MSANTD2: variants seen among roughly 807,000 people sequenced by gnomAD.
The protein encoded by MSANTD2 is myb/SANT-like DNA-binding domain-containing protein 2.
MSANTD2 carries 19 observed loss-of-function variants against 52.6 expected under a neutral mutation model. That is an observed-to-expected ratio of 0.36 (90% confidence interval 0.25 to 0.53). MSANTD2 has a LOEUF of 0.53. Among genes scored for constraint, MSANTD2 ranks in the 20% least tolerant of loss-of-function variants. The pLI, the probability that MSANTD2 is intolerant of heterozygous loss-of-function variation, is 0.91. For synonymous variants in MSANTD2, 291 were observed against 289.7 expected (o/e 1.00, Z -0.04); for missense variants, 558 against 716.3 (o/e 0.78, Z 2.52).
Position 124,772,987 on chromosome 11 carries a change from T to G in MSANTD2, c.827+7A>C. 1 of 1,548,884 alleles carries G rather than the reference T, an allele frequency of 6.5e-7. No homozygotes were observed. The highest frequency in any genetic ancestry group is 8.9e-7 in the Non-Finnish European group (1 of 1,121,126). ...ACACTTTCTGGAAAGGTGAAGCATC[T>G]ACTTACTGTGCTTCTTCAGAAGACT... On this transcript the variant is annotated splice_region_variant and intron_variant, in intron 3 of 3. Coordinates refer to ENST00000374979, the MANE Select transcript of MSANTD2 (RefSeq NM_001308027.2).
intron 1 of MSANTD2, chr11:124,776,176 C>G (rs1019917905): frequency 6.6e-6 from 1 of 152,248 alleles, no homozygotes; most frequent in African/African-American, 2.4e-5. Flanking sequence ...TTTGTAGGCA[C>G]TGCCAGACTA....
In MSANTD2 at chr11:124,767,859, C is replaced by A. The variant is rs759989882; in HGVS notation, c.997G>T (p.Ala333Ser). ...AGGGGCACCTGGGAGCTGATCTCAG[C>A]ATAATGGTAACGGATATCCTCTTTC... is the stretch of plus-strand genomic sequence containing the variant. ...RWKEDIRYHYAEISSQVPLGK... is the reference protein window; with the variant it reads ...RWKEDIRYHYSEISSQVPLGK... The change falls in exon 4 of 4, where the codon GCT (alanine) becomes TCT (serine). Residue 333 changes from alanine to serine, a missense_variant. Ala to Ser is a moderately conservative substitution (Grantham distance 99). Transcript: ENST00000374979. The surrounding 1 kb of genome is among the most constrained non-coding windows in gnomAD (Gnocchi z 6.5). 1.9e-6 allele frequency: 3 copies of A among 1,614,268 alleles called. No individual in the cohort carries two copies. The highest frequency in any genetic ancestry group is 2.5e-6 in the Non-Finnish European group (3 of 1,180,044).
intron 1 of MSANTD2, among the ~76,000 whole-genome samples, chr11:124,780,637 G>A (rs770553912): frequency 7.9e-5 from 12 of 152,068 alleles, no homozygotes; most frequent in African/African-American, 2.4e-4. Context: ...CAAGAACGTC[G>A]TTAAAAAATT....
intron 1 of MSANTD2, among the ~76,000 whole-genome samples, chr11:124,797,518 A>C (rs1490734282): frequency 6.6e-6 from 1 of 151,890 alleles, no homozygotes; most frequent in African/African-American, 2.4e-5. Flanking sequence ...AACATAAAAC[A>C]AATTAAAAAA....
rs1262426756 is a variant in MSANTD2, at chr11:124,767,137, G to C, written c.*39C>G. 4 of 1,545,268 alleles carry C rather than the reference G, an allele frequency of 2.6e-6. No individual in the cohort carries two copies. In the African/African-American group the frequency reaches 5.5e-5, roughly 21 times the overall value. ...CGGGTAATGGGAAGTGAGTAGAGAA[G>C]AAGGAGCTAAGAGCCCAAATCCTTA... is the stretch of plus-strand genomic sequence containing the variant. On this transcript the variant is annotated 3_prime_UTR_variant, in exon 4 of 4. Transcript: ENST00000374979. The surrounding 1 kb of genome is among the most constrained non-coding windows in gnomAD (Gnocchi z 6.5).
intron 3 of MSANTD2, among the ~76,000 whole-genome samples, chr11:124,771,961 T>G (rs1944540221): frequency 6.6e-6 from 1 of 152,140 alleles, no homozygotes; most frequent in African/African-American, 2.4e-5. Context: ...TTTCGGTCAG[T>G]ATATTCTCCT....
intron 1 of MSANTD2, among the ~76,000 whole-genome samples, chr11:124,780,013 A>T (rs1565458050): frequency 6.6e-6 from 1 of 152,226 alleles, no homozygotes; most frequent in Non-Finnish European, 1.5e-5. Context: ...TTACTATTGT[A>T]ACTGTTAAAA....
intron 1 of MSANTD2, among the ~76,000 whole-genome samples, chr11:124,777,211 G>A (rs1194151543): frequency 6.6e-6 from 1 of 152,202 alleles, no homozygotes; most frequent in African/African-American, 2.4e-5. Context: ...GACCGTAAAT[G>A]GAGAGTCCCA....
chr11:124,789,724 C>G (rs937249855), intron 1 of MSANTD2: 5 of 152,104 alleles, frequency 3.3e-5, no homozygotes, highest in African/African-American at 1.2e-4. Context: ...CCTTTTTCCA[C>G]AGCAGACATC....
intron 3 of MSANTD2, among the ~76,000 whole-genome samples, chr11:124,770,320 T>G (rs200040175): frequency 0.032 from 4,853 of 151,826 alleles, 214 homozygotes; most frequent in African/African-American, 0.095. Flanking sequence ...GTTTGTTTTT[T>G]TTTTTTTGGA....
At chr11:124,795,796 T>C (rs904144797) in intron 1 of MSANTD2, among the ~76,000 whole-genome samples, 1 of 152,176 alleles carries the variant, frequency 6.6e-6, no homozygotes, top group African/African-American at 2.4e-5. Flanking sequence ...TGAAAAGGCC[T>C]ACAGTAAAAG....
rs1005720249 is a variant in MSANTD2 at position 124,800,090 on chromosome 11, G to A, written c.291C>T (p.Ala97=). 13 of 1,486,418 alleles carry A rather than the reference G, an allele frequency of 8.7e-6. No homozygotes were observed. The highest frequency in any genetic ancestry group is 2.4e-4 in the Middle Eastern group (1 of 4,212). The allele number at this position is 1,486,418 out of a possible 1,614,324, so 92.1% of individuals were successfully genotyped here. The change falls in exon 1 of 4, where the codon GCC becomes GCT. Residue 97 remains alanine, a synonymous_variant. Coordinates refer to ENST00000374979, the MANE Select transcript of MSANTD2 (RefSeq NM_001308027.2). This position sits in a 1 kb window ranked among gnomAD's most constrained non-coding sequence, Gnocchi z 4.3. ...GCGTCCACGACATGCCCCGGCAGGCGGCGGCGGCGGCTGCCGCAGCCCCGC... is the reference window on the plus strand; with the variant it reads ...GCGTCCACGACATGCCCCGGCAGGCAGCGGCGGCGGCTGCCGCAGCCCCGC... The part of the protein sequence containing the change: ...GGGGAAAAAA[A]ACRGMSWTPA...
intron 3 of MSANTD2, among the ~76,000 whole-genome samples, chr11:124,770,790 T>G (rs1944489718): frequency 6.6e-6 from 1 of 151,016 alleles, no homozygotes; most frequent in Non-Finnish European, 1.5e-5. Context: ...GTTTTTTTTT[T>G]TTTTTTTGAG....
intron 3 of MSANTD2, among the ~76,000 whole-genome samples, chr11:124,768,678 C>G (rs1944392757): frequency 6.6e-6 from 1 of 152,034 alleles, no homozygotes; most frequent in Non-Finnish European, 1.5e-5. Flanking sequence ...CAGGTTAGCA[C>G]AGAATTAAGA....
intron 1 of MSANTD2, chr11:124,784,389 C>A: frequency 8.1e-6 from 8 of 985,180 alleles, no homozygotes; most frequent in Admixed American, 6.1e-5. Flanking sequence ...ATATTTCTGG[C>A]ATAGCAGGGG....
At chr11:124,783,533 T>G (rs1466458387) in intron 1 of MSANTD2, 1 of 166,254 alleles carries the variant, frequency 6.0e-6, no homozygotes, top group East Asian at 1.9e-4. Flanking sequence ...GGCATGAGAA[T>G]TGCTTGAACC....
Position 124,767,851 on chromosome 11 carries a change from G to A in MSANTD2, c.1005C>T (p.Ile335=), listed in dbSNP as rs1398016315. 3 of 1,614,238 alleles carry A rather than the reference G, an allele frequency of 1.9e-6. No homozygotes were observed. The highest frequency in any genetic ancestry group is 2.2e-5 in the East Asian group (1 of 44,896). The change falls in exon 4 of 4, where the codon ATC becomes ATT. Residue 335 remains isoleucine, a synonymous_variant. Coordinates refer to ENST00000374979, the MANE Select transcript of MSANTD2 (RefSeq NM_001308027.2). The surrounding 1 kb of genome is among the most constrained non-coding windows in gnomAD (Gnocchi z 6.5). The stretch of plus-strand genomic sequence containing the variant: ...GCTTGCCAAGGGGCACCTGGGAGCT[G>A]ATCTCAGCATAATGGTAACGGATAT... The part of the protein sequence containing the change: ...KEDIRYHYAE[I]SSQVPLGKRL...
At chr11:124,796,019 CA>C (rs1388410058) in intron 1 of MSANTD2, among the ~76,000 whole-genome samples, 1 of 152,176 alleles carries the variant, frequency 6.6e-6, no homozygotes, top group Non-Finnish European at 1.5e-5. Flanking sequence ...TGACAGACAT[CA>C]AAATCAAACT....
chr11:124,777,331 G>T (rs114033725), intron 1 of MSANTD2, among the ~76,000 whole-genome samples: 2,912 of 152,292 alleles, frequency 0.019, 93 homozygotes, highest in African/African-American at 0.066. Flanking sequence ...CAAGGGCCCA[G>T]TTGGCTCTGT....
Sources: allele counts gnomAD v4.1 joint callset (sites outside exome capture counted in the v4.1 genomes callset), GRCh38; gene constraint gnomAD v4.1.1; non-coding constraint Gnocchi (gnomAD v3.1); transcripts MANE v1.5; gene names NCBI Gene and HGNC (gene_info 2026-07-23, HGNC 2026-07-21).